ANK3: variants seen among roughly 807,000 people sequenced by gnomAD.
The protein encoded by ANK3 is ankyrin-3.
A neutral mutation model predicts 370.9 loss-of-function variants in ANK3; 57 were observed. That is an observed-to-expected ratio of 0.15 (90% CI 0.12 to 0.19). ANK3 has a LOEUF of 0.19. Ranked by LOEUF, ANK3 falls within the 10% of genes least tolerant of loss-of-function variation. The pLI, the probability that ANK3 is intolerant of heterozygous loss-of-function variation, is 1.00. For synonymous variants in ANK3, 1,929 were observed against 1,946.3 expected (o/e 0.99, Z 0.23); for missense variants, 4,439 against 5,302.1 (o/e 0.84, Z 5.06).
At chr10:60,713,479 T>C (rs150165843) in intron 1 of ANK3, among the ~76,000 whole-genome samples, 160 of 152,292 alleles carry the variant, frequency 1.1e-3, no homozygotes, top group Non-Finnish European at 1.6e-3. Flanking sequence ...GGGAAATTTA[T>C]AGTATTGAAG....
At chr10:60,376,148 T>C (rs1214782410) in intron 1 of ANK3, among the ~76,000 whole-genome samples, 1 of 152,198 alleles carries the variant, frequency 6.6e-6, no homozygotes, top group African/African-American at 2.4e-5. Context: ...CCACAGCCCA[T>C]GCCCAGGCCC....
At chr10:60,288,447 T>C (rs1019234554) in intron 1 of ANK3, among the ~76,000 whole-genome samples, 2 of 152,024 alleles carry the variant, frequency 1.3e-5, no homozygotes, top group African/African-American at 4.8e-5. Flanking sequence ...GTTCATAAAG[T>C]CAGAGAAGCT....
At chr10:60,731,277 C>T (rs1252695948) in intron 1 of ANK3, among the ~76,000 whole-genome samples, 1 of 152,118 alleles carries the variant, frequency 6.6e-6, no homozygotes, top group African/African-American at 2.4e-5. Context: ...TATACATACA[C>T]TAATATAAAC....
At chr10:60,424,841 A>C (rs775838740) in intron 2 of ANK3, among the ~76,000 whole-genome samples, 10 of 152,064 alleles carry the variant, frequency 6.6e-5, no homozygotes, top group Non-Finnish European at 1.5e-4. Context: ...CAGGGATTAC[A>C]TGAGATGCTA....
At chr10:60,250,153 T>C (rs1277607924) in intron 7 of ANK3, among the ~76,000 whole-genome samples, 1 of 152,222 alleles carries the variant, frequency 6.6e-6, no homozygotes, top group Non-Finnish European at 1.5e-5. Flanking sequence ...GCAATTTATA[T>C]AGAGAAACAT....
chr10:60,198,451 A>G lies in ANK3; in HGVS notation c.1578T>C (p.Asn526=). Residue 526 remains asparagine, a synonymous_variant, in exon 14 of 44, where the codon AAT becomes AAC. Transcript: ENST00000280772. ...QQLLQQGASP[N]AATTSGYTPL... is the part of the protein sequence containing the mutation. ...GGGTGTACCCAGAAGTTGTGGCTGC[A>G]TTTGGAGATGCCCCTTGCTGCAACA... 2 of 1,614,186 alleles carry G rather than the reference A, an allele frequency of 1.2e-6. No individual in the cohort carries two copies. The highest frequency in any genetic ancestry group is 1.7e-6 in the Non-Finnish European group (2 of 1,180,020).
chr10:60,277,043 T>A (rs547634939), intron 4 of ANK3, among the ~76,000 whole-genome samples: 2 of 152,190 alleles, frequency 1.3e-5, no homozygotes, highest in Non-Finnish European at 2.9e-5. Context: ...ATCAGAATAA[T>A]TGGCATAGAT....
intron 7 of ANK3, among the ~76,000 whole-genome samples, chr10:60,246,286 A>AAAAAAG (rs1565961708): frequency 8.1e-6 from 1 of 123,460 alleles, no homozygotes; most frequent in Admixed American, 9.8e-5. Flanking sequence ...AAAAAAGAAA[A>AAAAAAG]AAGAAAAAAA....
At chr10:60,533,910 A>AT (rs1373453589) in intron 2 of ANK3, among the ~76,000 whole-genome samples, 6 of 152,156 alleles carry the variant, frequency 3.9e-5, no homozygotes, top group Admixed American at 1.3e-4. Flanking sequence ...ATATTAAAAT[A>AT]TTTAATAAAA....
At chr10:60,699,446 A>T (rs965498787) in intron 1 of ANK3, among the ~76,000 whole-genome samples, 1 of 152,134 alleles carries the variant, frequency 6.6e-6, no homozygotes, top group Non-Finnish European at 1.5e-5. Context: ...TTAAAAACAT[A>T]CAATGATCAA....
intron 25 of ANK3, among the ~76,000 whole-genome samples, chr10:60,117,691 A>G (rs1171680511): frequency 1.3e-5 from 2 of 152,116 alleles, no homozygotes; most frequent in South Asian, 2.1e-4. Context: ...GGTGGCACGT[A>G]CCTGTAATCC....
intron 2 of ANK3, among the ~76,000 whole-genome samples, chr10:60,514,988 A>C (rs1288725531): frequency 6.6e-6 from 1 of 152,162 alleles, no homozygotes; most frequent in Non-Finnish European, 1.5e-5. Context: ...ATTTTAAAAA[A>C]TATACTATTG....
At chr10:60,586,053 A>C (rs963876600) in intron 2 of ANK3, among the ~76,000 whole-genome samples, 3 of 150,856 alleles carry the variant, frequency 2.0e-5, no homozygotes, top group Non-Finnish European at 4.4e-5. Flanking sequence ...AACAAACAAA[A>C]AAAAGACTTT....
chr10:60,212,795 C>T (rs541609930), intron 9 of ANK3, among the ~76,000 whole-genome samples: 14 of 152,216 alleles, frequency 9.2e-5, no homozygotes, highest in African/African-American at 3.4e-4. Flanking sequence ...GTAGTAGTGA[C>T]AATGAGGTGG....
At chr10:60,081,911 G>C (rs1463061334) in intron 35 of ANK3, 1 of 379,904 alleles carries the variant, frequency 2.6e-6, no homozygotes, top group Non-Finnish European at 4.7e-6. Flanking sequence ...AATGTTTAAA[G>C]ACCTTCAGTT....
chr10:60,721,516 T>C (rs1340686733), intron 1 of ANK3, among the ~76,000 whole-genome samples: 1 of 152,186 alleles, frequency 6.6e-6, no homozygotes, highest in Non-Finnish European at 1.5e-5. Flanking sequence ...TAATGGGTAA[T>C]CATAAAAGGT....
chr10:60,501,421 T>G (rs2075792416), intron 2 of ANK3, among the ~76,000 whole-genome samples: 1 of 152,100 alleles, frequency 6.6e-6, no homozygotes, highest in Non-Finnish European at 1.5e-5. Flanking sequence ...AAATGAAAAC[T>G]TGGCCGGGTG....
chr10:60,123,874 G>A (rs2093624088), intron 25 of ANK3, among the ~76,000 whole-genome samples: 1 of 152,146 alleles, frequency 6.6e-6, no homozygotes, highest in Non-Finnish European at 1.5e-5. Context: ...GCCACAACTT[G>A]GACAGGGCCA....
chr10:60,125,022 G>A (rs956159419), intron 25 of ANK3, among the ~76,000 whole-genome samples: 1 of 152,086 alleles, frequency 6.6e-6, no homozygotes, highest in African/African-American at 2.4e-5. Context: ...GACCCAAATA[G>A]ATAGTAGTAG....
Sources: gnomAD v4.1 joint callset for allele counts (sites outside exome capture counted in the v4.1 genomes callset) on GRCh38, gnomAD v4.1.1 for gene constraint, MANE v1.5 for transcripts, NCBI Gene and HGNC (gene_info 2026-07-23, HGNC 2026-07-21) for gene names.